Variants in SOX6 observed in about 807,000 individuals in gnomAD.
SOX6 encodes transcription factor SOX-6.
A neutral mutation model predicts 97.8 loss-of-function variants in SOX6; 11 were observed. That is an observed-to-expected ratio of 0.11 (90% confidence interval 0.07 to 0.19). The LOEUF (loss-of-function observed/expected upper bound fraction) is 0.19, where lower values mean the gene tolerates loss of function less well. Ranked by LOEUF, SOX6 falls within the 10% of genes least tolerant of loss-of-function variation. SOX6 has a pLI of 1.00. For missense variants in SOX6, 810 were observed against 1,039.5 expected, an observed-to-expected ratio of 0.78 and a Z score of 3.04; for synonymous variants, 360 against 371.4, an observed-to-expected ratio of 0.97 and a Z score of 0.35.
chr11:16,556,411 C>A (rs1280580429), intron 4 of SOX6, among the ~76,000 whole-genome samples: 1 of 151,724 alleles, frequency 6.6e-6, no homozygotes, highest in Non-Finnish European at 1.5e-5. Flanking sequence ...ATTTTCCACA[C>A]TTCCTCCCAC....
intron 1 of SOX6, among the ~76,000 whole-genome samples, chr11:16,419,536 T>TAA (rs35428418): frequency 1.1e-4 from 16 of 151,066 alleles, no homozygotes; most frequent in East Asian, 3.9e-4. Flanking sequence ...ATTTTAAAAA[T>TAA]AAAAAAAAAT....
chr11:16,260,243 A>G (rs1356145779), intron 3 of SOX6, among the ~76,000 whole-genome samples: 1 of 151,526 alleles, frequency 6.6e-6, no homozygotes, highest in Non-Finnish European at 1.5e-5. Flanking sequence ...CTCGTGATCC[A>G]CTCACCTCGG....
chr11:16,510,750 T>C (rs1860869096), intron 4 of SOX6, among the ~76,000 whole-genome samples: 1 of 152,116 alleles, frequency 6.6e-6, no homozygotes, highest in Non-Finnish European at 1.5e-5. Flanking sequence ...GTCATAATTG[T>C]TGTTATATGT....
intron 9 of SOX6, among the ~76,000 whole-genome samples, chr11:16,080,604 T>C (rs1392229233): frequency 1.3e-5 from 2 of 152,222 alleles, no homozygotes; most frequent in South Asian, 2.1e-4. Flanking sequence ...AAAATACTTA[T>C]TGGCATTTTT....
chr11:16,707,336 TAA>T (rs1199674488), intron 3 of SOX6, among the ~76,000 whole-genome samples: 2 of 142,138 alleles, frequency 1.4e-5, no homozygotes, highest in Admixed American at 7.1e-5. Context: ...TGAGGAATGT[TAA>T]AAAAAAAAAA....
intron 1 of SOX6, among the ~76,000 whole-genome samples, chr11:16,373,008 A>C (rs1352045230): frequency 1.3e-5 from 2 of 152,020 alleles, no homozygotes; most frequent in Admixed American, 6.6e-5. Context: ...TTTTTTCGCA[A>C]AGGTAATTTC....
At chr11:16,172,213 A>G (rs923162184) in intron 6 of SOX6, among the ~76,000 whole-genome samples, 4 of 152,032 alleles carry the variant, frequency 2.6e-5, no homozygotes, top group Non-Finnish European at 5.9e-5. Context: ...TGCCACTGAC[A>G]TAATACTTCA....
At chr11:16,468,879 T>C (rs1414169961) in intron 1 of SOX6, among the ~76,000 whole-genome samples, 1 of 152,166 alleles carries the variant, frequency 6.6e-6, no homozygotes, top group African/African-American at 2.4e-5. Context: ...CTGCAGATAT[T>C]GGCATGTTTC....
chr11:15,995,819 C>A lies in SOX6; in HGVS notation c.1733-6589G>T, dbSNP rs1854207319. On this transcript the variant is annotated intron_variant, in intron 13 of 15. Transcript: ENST00000683767. ...AAACAATGAAGACTAGTAGACTATG[C>A]AACATCTTTATAATGCTATAAAAGG... Among the ~76,000 whole-genome samples the A allele has an allele frequency of 2.0e-5, 3 of 152,132 alleles. No homozygotes were observed. In the South Asian group the frequency reaches 6.2e-4, roughly 31 times the overall value.
At chr11:16,306,163 C>G (rs1032184001) in intron 3 of SOX6, among the ~76,000 whole-genome samples, 1 of 152,092 alleles carries the variant, frequency 6.6e-6, no homozygotes, top group African/African-American at 2.4e-5. Context: ...GTTTCAATGT[C>G]AATAACCTGG....
At chr11:16,730,377 G>A (rs185476160) in intron 2 of SOX6, among the ~76,000 whole-genome samples, 85 of 152,032 alleles carry the variant, frequency 5.6e-4, no homozygotes, top group African/African-American at 1.7e-3. Context: ...GCAAAAGAAC[G>A]GAAGTAAAAA....
intron 6 of SOX6, among the ~76,000 whole-genome samples, chr11:16,158,973 A>G (rs1850672579): frequency 6.6e-6 from 1 of 151,992 alleles, no homozygotes; most frequent in Non-Finnish European, 1.5e-5. Context: ...CATGCCAAAT[A>G]GATAGCAGAG....
At chr11:16,004,392 C>T (rs1854491937) in intron 13 of SOX6, among the ~76,000 whole-genome samples, 1 of 152,070 alleles carries the variant, frequency 6.6e-6, no homozygotes, top group Non-Finnish European at 1.5e-5. Flanking sequence ...GCTTTTAAAA[C>T]TCCTAACATG....
intron 3 of SOX6, among the ~76,000 whole-genome samples, chr11:16,643,028 T>C (rs1053895201): frequency 1.3e-5 from 2 of 152,214 alleles, no homozygotes; most frequent in African/African-American, 2.4e-5. Context: ...CTCTGTTTTT[T>C]CCCCATCGTT....
chr11:16,428,437 T>C (rs1296367763), intron 1 of SOX6, among the ~76,000 whole-genome samples: 1 of 152,232 alleles, frequency 6.6e-6, no homozygotes, highest in African/African-American at 2.4e-5. Context: ...TAGGTTTTCT[T>C]CTAGGGTTTT....
chr11:16,308,456 A>T (rs545041933), intron 3 of SOX6, among the ~76,000 whole-genome samples: 37 of 152,310 alleles, frequency 2.4e-4, no homozygotes, highest in African/African-American at 8.9e-4. Flanking sequence ...ACACAACCTA[A>T]TAAGTTAAAA....
chr11:16,343,371 C>T (rs1048842876), intron 1 of SOX6, among the ~76,000 whole-genome samples: 5 of 151,892 alleles, frequency 3.3e-5, no homozygotes, highest in Non-Finnish European at 7.4e-5. Context: ...AACAAACATC[C>T]TCTTATTATA....
intron 3 of SOX6, among the ~76,000 whole-genome samples, chr11:16,298,543 AAAAG>A (rs1855163919): frequency 6.6e-6 from 1 of 152,144 alleles, no homozygotes; most frequent in Non-Finnish European, 1.5e-5. Context: ...AAAGAAATAA[AAAAG>A]AAAGCAACTA....
intron 4 of SOX6, among the ~76,000 whole-genome samples, chr11:16,563,745 C>T (rs543157242): frequency 1.3e-5 from 2 of 152,240 alleles, no homozygotes; most frequent in East Asian, 1.9e-4. Flanking sequence ...CACATACATA[C>T]ATAAACCTAC....
Sources: gnomAD v4.1 joint callset for allele counts (sites outside exome capture counted in the v4.1 genomes callset) on GRCh38, gnomAD v4.1.1 for gene constraint, MANE v1.5 for transcripts, NCBI Gene and HGNC (gene_info 2026-07-23, HGNC 2026-07-21) for gene names.